Variants in LRRC69 observed in about 807,000 individuals in gnomAD.
LRRC69 encodes leucine-rich repeat-containing protein 69.
In LRRC69, 42 loss-of-function variants were observed where a neutral mutation model predicts 37.8. The observed-to-expected ratio is 1.11, with a 90% CI of 0.87 to 1.44. The LOEUF (loss-of-function observed/expected upper bound fraction) is 1.44, where lower values mean the gene tolerates loss of function less well. Ranked by LOEUF, LRRC69 falls within the 40% of genes most tolerant of loss-of-function variation. LRRC69 has a pLI of 0.00. For synonymous variants in LRRC69, 141 were observed against 143.1 expected (o/e 0.99, Z 0.11); for missense variants, 357 against 401.9 (o/e 0.89, Z 0.96).
At chr8:91,132,603 G>C (rs1025690204) in intron 3 of LRRC69, among the ~76,000 whole-genome samples, 1 of 151,852 alleles carries the variant, frequency 6.6e-6, no homozygotes, top group Non-Finnish European at 1.5e-5. Context: ...TCAGTTTGTG[G>C]CTCTATTTAA....
At chr8:91,206,797 C>A (rs1212735353) in intron 7 of LRRC69, 2 of 1,289,612 alleles carry the variant, frequency 1.6e-6, no homozygotes, top group Non-Finnish European at 2.0e-6. Context: ...AATTAATGTC[C>A]AAAATAACCC....
chr8:91,138,559 T>C (rs928061142), intron 5 of LRRC69, among the ~76,000 whole-genome samples: 1 of 151,912 alleles, frequency 6.6e-6, no homozygotes, highest in Non-Finnish European at 1.5e-5. Context: ...GTATTTTTTT[T>C]TTTTTGAAAT....
At chr8:91,117,618 A>C (rs1432181066) in intron 1 of LRRC69, among the ~76,000 whole-genome samples, 1 of 149,842 alleles carries the variant, frequency 6.7e-6, no homozygotes, top group Non-Finnish European at 1.5e-5. Flanking sequence ...ATTTAGGTTA[A>C]GAAATGAATT....
chr8:91,189,154 T>C (rs1269218971), intron 5 of LRRC69, among the ~76,000 whole-genome samples: 3 of 152,230 alleles, frequency 2.0e-5, no homozygotes, highest in Admixed American at 6.5e-5. Flanking sequence ...TTTTTTGTTA[T>C]GCTTGGTTTT....
chr8:91,185,945 G>A (rs1162837688), intron 5 of LRRC69, among the ~76,000 whole-genome samples: 4 of 152,132 alleles, frequency 2.6e-5, no homozygotes, highest in African/African-American at 9.7e-5. Context: ...CTTTATAAAT[G>A]CTCCTGCTAA....
At chr8:91,209,934 A>G (rs1809876928) in intron 7 of LRRC69, among the ~76,000 whole-genome samples, 2 of 152,156 alleles carry the variant, frequency 1.3e-5, no homozygotes, top group African/African-American at 4.8e-5. Flanking sequence ...ACTATATGCA[A>G]GGTACTATGC....
At chr8:91,199,086 G>A (rs9987161) in intron 6 of LRRC69, among the ~76,000 whole-genome samples, 103,220 of 152,100 alleles carry the variant, frequency 0.68, 35,446 homozygotes, top group Middle Eastern at 0.76. Context: ...AAATGCTTCT[G>A]TCATCTGCTA....
chr8:91,198,533 A>G (rs910684528), intron 6 of LRRC69, among the ~76,000 whole-genome samples: 3 of 151,820 alleles, frequency 2.0e-5, no homozygotes, highest in Admixed American at 6.6e-5. Flanking sequence ...TATGTTTTTC[A>G]TATTATATAA....
chr8:91,187,753 TTCAACCA>T (rs1335018334), intron 5 of LRRC69, among the ~76,000 whole-genome samples: 1 of 152,228 alleles, frequency 6.6e-6, no homozygotes, highest in African/African-American at 2.4e-5. Context: ...GTCTGACTCC[TTCAACCA>T]TCCAGTGTCT....
intron 5 of LRRC69, among the ~76,000 whole-genome samples, chr8:91,155,467 C>T (rs955187661): frequency 1.1e-4 from 16 of 150,876 alleles, no homozygotes; most frequent in African/African-American, 3.9e-4. Flanking sequence ...TTCATCATTT[C>T]TTTGTGCTGG....
chr8:91,183,150 G>A (rs1563616796), intron 5 of LRRC69, among the ~76,000 whole-genome samples: 2 of 152,180 alleles, frequency 1.3e-5, no homozygotes, highest in Non-Finnish European at 2.9e-5. Context: ...CAGGAATGTA[G>A]GGCATGCTGA....
chr8:91,156,996 C>A (rs1334039620), intron 5 of LRRC69, among the ~76,000 whole-genome samples: 2 of 150,912 alleles, frequency 1.3e-5, no homozygotes, highest in Non-Finnish European at 3.0e-5. Context: ...TAAACCAGTT[C>A]TATGCTGTTT....
In LRRC69 at chr8:91,198,320, G is replaced by C. The variant is rs577161719; in HGVS notation, c.754-2293G>C. 1.5e-4 allele frequency among the ~76,000 whole-genome samples: 23 copies of C among 152,238 alleles called. No individual in the cohort carries two copies. The South Asian group carries it at 4.3e-3, about 29-fold the overall frequency. Reference sequence around the variant, plus strand: ...TACAGATGAGGTGTTCAAGACCAGGGAAGTTAAGGGTTCATCCAAATATGA... The same window carrying C: ...TACAGATGAGGTGTTCAAGACCAGGCAAGTTAAGGGTTCATCCAAATATGA... On this transcript the variant is annotated intron_variant, in intron 6 of 7. Transcript: ENST00000448384.
chr8:91,200,485 C>T, intron 6 of LRRC69, 128 bp from the exon 7 acceptor site: 1 of 603,834 alleles, frequency 1.7e-6, no homozygotes, highest in East Asian at 3.4e-5. Flanking sequence ...ATTAGATACA[C>T]TGCAGAATCT....
chr8:91,183,443 C>G (rs1163868851), intron 5 of LRRC69, among the ~76,000 whole-genome samples: 1 of 151,988 alleles, frequency 6.6e-6, no homozygotes, highest in Non-Finnish European at 1.5e-5. Flanking sequence ...AGTATGTTTT[C>G]TATGGGCTGA....
At chr8:91,161,239 A>T (rs546353752) in intron 5 of LRRC69, among the ~76,000 whole-genome samples, 26 of 151,420 alleles carry the variant, frequency 1.7e-4, no homozygotes, top group African/African-American at 6.0e-4. Flanking sequence ...CATCAAGGTT[A>T]TTCATTTGTA....
chr8:91,197,315 C>A (rs1413015712), intron 6 of LRRC69, among the ~76,000 whole-genome samples: 1 of 152,162 alleles, frequency 6.6e-6, no homozygotes, highest in Non-Finnish European at 1.5e-5. Context: ...GCCCTGCCCC[C>A]AGAGGTGGAG....
At chr8:91,186,564 G>A (rs963051051) in intron 5 of LRRC69, among the ~76,000 whole-genome samples, 1 of 152,166 alleles carries the variant, frequency 6.6e-6, no homozygotes, top group Non-Finnish European at 1.5e-5. Flanking sequence ...GTCAGCCAAG[G>A]AGAGCCAAGT....
At chr8:91,133,852 T>G (rs1813854960) in intron 4 of LRRC69, among the ~76,000 whole-genome samples, 1 of 151,950 alleles carries the variant, frequency 6.6e-6, no homozygotes, top group Non-Finnish European at 1.5e-5. Context: ...CAGGCTGGTC[T>G]CAAACTCCTG....
Sources: gnomAD v4.1 joint callset for allele counts (sites outside exome capture counted in the v4.1 genomes callset) on GRCh38, gnomAD v4.1.1 for gene constraint, MANE v1.5 for transcripts, NCBI Gene and HGNC (gene_info 2026-07-23, HGNC 2026-07-21) for gene names.